Variants in ZDHHC20 observed in about 807,000 individuals in gnomAD.
The protein encoded by ZDHHC20 is zDHHC palmitoyltransferase 20.
In ZDHHC20, 43 loss-of-function variants were observed where a neutral mutation model predicts 57.8. The observed-to-expected ratio is 0.74, with a 90% CI of 0.58 to 0.96. The LOEUF (loss-of-function observed/expected upper bound fraction) is 0.96. ZDHHC20 is among the 40% of genes least tolerant of loss of function. The pLI is 0.00. For missense variants in ZDHHC20, 391 were observed against 441.1 expected, an observed-to-expected ratio of 0.89 and a Z score of 1.02; for synonymous variants, 157 against 153.0, an observed-to-expected ratio of 1.03 and a Z score of -0.19.
chr13:21,376,546 C>A lies in ZDHHC20; in HGVS notation c.*150G>T. ...GTGAATCCCAGGAACTGTACAAAGG[C>A]TTTCCGTTTTAAAAAATATATCTTC... On this transcript the variant is annotated 3_prime_UTR_variant, in exon 13 of 13. Coordinates refer to ENST00000400590, the MANE Select transcript of ZDHHC20 (RefSeq NM_001330059.2). 3.3e-6 allele frequency: 3 copies of A among 913,166 alleles called. No individual in the cohort carries two copies. Among genetic ancestry groups the A allele is most frequent in the Non-Finnish European group, 1.6e-6 (1 of 636,772 alleles). The allele number at this position is 913,166 out of a possible 1,614,324, so 56.6% of individuals were successfully genotyped here.
chr13:21,391,767 A>G lies in ZDHHC20; in HGVS notation c.682T>C (p.Phe228Leu). The G allele has an allele frequency of 6.2e-7, 1 of 1,612,808 alleles. No homozygotes were observed. Among genetic ancestry groups the G allele is most frequent in the Non-Finnish European group, 8.5e-7 (1 of 1,179,758 alleles). The change falls in exon 8 of 13, where the codon TTC becomes CTC. Residue 228 changes from phenylalanine to leucine, a missense_variant. Around this residue, in one of 3 missense-constraint regions of ZDHHC20, gnomAD observed 197 missense variants for 220.8 expected, o/e 0.89. Transcript: ENST00000400590. ...CCAACTAGCCAGCAGTGGTAGCTGA[A>G]AAGTGAGAGGACGCTGATGAAGAAC... The part of the protein sequence containing the change: ...AMFFISVLSL[F>L]SYHCWLVGKN...
intron 4 of ZDHHC20, among the ~76,000 whole-genome samples, chr13:21,408,429 C>T (rs1294566402): frequency 1.5e-4 from 23 of 151,922 alleles, no homozygotes. Context: ...CTATTATTGG[C>T]GTATAGGAAT....
At position 21,400,497 on chromosome 13, in the gene ZDHHC20, G is replaced by GA. The variant is rs1877467065; in HGVS notation, c.474-5dup. Reference sequence around the variant, plus strand: ...AAATCCCACACAGTTATTCACCCTGGAAAAATAAAGAAAGCCACATTATAA... The same window carrying GA: ...AAATCCCACACAGTTATTCACCCTGGAAAAAATAAAGAAAGCCACATTATAA... On this transcript the variant is annotated splice_polypyrimidine_tract_variant and splice_region_variant and intron_variant, in intron 6 of 12. Coordinates refer to ENST00000400590, the MANE Select transcript of ZDHHC20 (RefSeq NM_001330059.2). 4.6e-6 allele frequency: 7 copies of GA among 1,533,158 alleles called. No homozygotes were observed. The highest frequency in any genetic ancestry group is 6.1e-6 in the Non-Finnish European group (7 of 1,142,368). The allele number at this position is 1,533,158 out of a possible 1,614,324, so 95.0% of individuals were successfully genotyped here. A position where few individuals can be genotyped will look rare whatever the true frequency, so the allele number is the denominator to read the frequency against.
In ZDHHC20 at chr13:21,421,050, A is replaced by G; in HGVS notation, c.249+11T>C. ...TTAAAACATTTGGTAATTTACCAAC[A>G]TTAAATTTACCTCTTTGGAGGGGGA... On this transcript the variant is annotated intron_variant, in intron 3 of 12. Coordinates refer to ENST00000400590, the MANE Select transcript of ZDHHC20 (RefSeq NM_001330059.2). 3.1e-6 allele frequency: 5 copies of G among 1,600,906 alleles called. No homozygotes were observed. The highest frequency in any genetic ancestry group is 4.3e-6 in the Non-Finnish European group (5 of 1,169,572).
intron 4 of ZDHHC20, among the ~76,000 whole-genome samples, chr13:21,405,670 A>G (rs528791096): frequency 1.3e-5 from 2 of 152,278 alleles, no homozygotes; most frequent in East Asian, 3.9e-4. Flanking sequence ...CTGGGAGCAT[A>G]TTCTTTGACA....
At position 21,381,471 on chromosome 13, in the gene ZDHHC20, C is replaced by T. The variant is rs1566061617; in HGVS notation, c.1023G>A (p.Trp341Ter). ...TGCCTTCTTCAGCTCCATTCTCCAG[C>T]CACTGAGATTCACTGTCCAACAAGC... is the stretch of plus-strand genomic sequence containing the variant. ...KNRLLDSESQWLENGAEEGIV... is the reference protein window; with the variant it reads ...KNRLLDSESQ The change falls in exon 11 of 13, where the codon TGG (tryptophan) becomes TGA (stop). Residue 341 changes from tryptophan (W) to a stop codon, truncating the protein, a stop_gained. Coordinates refer to ENST00000400590, the MANE Select transcript of ZDHHC20 (RefSeq NM_001330059.2). LOFTEE classifies it high-confidence loss of function. The T allele has an allele frequency of 6.2e-7, 1 of 1,613,864 alleles. No individual in the cohort carries two copies.
At chr13:21,447,336 ATGTGGAGCCGAAGC>A (rs1210738848) in intron 1 of ZDHHC20, among the ~76,000 whole-genome samples, 2 of 148,636 alleles carry the variant, frequency 1.3e-5, no homozygotes, top group African/African-American at 2.5e-5. Context: ...TCTCCCTCTC[ATGTGGAGCCGAAGC>A]TGGACTGTAC....
rs140351475 is a variant in ZDHHC20 at position 21,394,173 on chromosome 13, C to T, written c.595-2319G>A. 2.9e-3 allele frequency among the ~76,000 whole-genome samples: 443 copies of T among 152,342 alleles called. 4 individuals carry two copies. Among genetic ancestry groups the T allele is most frequent in the African/African-American group, 0.01 (426 of 41,578 alleles). On this transcript the variant is annotated intron_variant, in intron 7 of 12. Transcript: ENST00000400590. ...CAAGGCCCTCTGTCATTTTGGCCCC[C>T]TCTTGGTCCATTCCTTTCAGTCTCC...
At chr13:21,385,229 G>A (rs1415669372) in intron 9 of ZDHHC20, among the ~76,000 whole-genome samples, 5 of 152,134 alleles carry the variant, frequency 3.3e-5, no homozygotes. Context: ...AGGAGTTTGA[G>A]ACCAGCCTGG....
rs1871758507 is a variant in ZDHHC20, at chr13:21,374,646, G to GCTAA, written c.*2046_*2049dup. The GCTAA allele has an allele frequency of 3.8e-5, 9 of 235,108 alleles. No homozygotes were observed. In the Admixed American group the frequency reaches 4.2e-4, roughly 11 times the overall value. 14.6% of individuals were successfully genotyped at this position (235,108 alleles called of 1,614,324 possible). Reference sequence around the variant, plus strand: ...TAATATCCCAAATTATGTTTTCAAAGCTAACTCATTCCTTTGGTTCAAAAA... The same window carrying GCTAA: ...TAATATCCCAAATTATGTTTTCAAAGCTAACTAACTCATTCCTTTGGTTCAAAAA... On this transcript the variant is annotated 3_prime_UTR_variant, in exon 13 of 13. Coordinates refer to ENST00000400590, the MANE Select transcript of ZDHHC20 (RefSeq NM_001330059.2).
intron 7 of ZDHHC20, among the ~76,000 whole-genome samples, chr13:21,395,497 T>TTTC (rs999491945): frequency 4.3e-5 from 2 of 46,158 alleles, no homozygotes; most frequent in African/African-American, 8.9e-5. Context: ...TTTTCTTTTC[T>TTTC]TTTTTTTTTT....
intron 2 of ZDHHC20, 66 bp downstream of exon 2, chr13:21,425,585 TA>T: frequency 9.0e-7 from 1 of 1,111,700 alleles, no homozygotes; most frequent in Non-Finnish European, 1.2e-6. Context: ...CATCACTAAA[TA>T]AAAAGTATGT....
In ZDHHC20 at chr13:21,396,038, T is replaced by TA. The variant is rs1876732000; in HGVS notation, c.595-4185dup. Among the ~76,000 whole-genome samples the TA allele has an allele frequency of 2.6e-5, 4 of 152,204 alleles. No homozygotes were observed. The South Asian group carries it at 8.3e-4, about 32-fold the overall frequency. ...CTGCCTTCATCATCCCAGGACCAGG[T>TA]ACAAGACAACTAGAGATAGCCCCGA... On this transcript the variant is annotated intron_variant, in intron 7 of 12. Coordinates refer to ENST00000400590, the MANE Select transcript of ZDHHC20 (RefSeq NM_001330059.2).
intron 8 of ZDHHC20, chr13:21,390,123 T>TA (rs1188083437): frequency 2.0e-4 from 30 of 152,188 alleles, no homozygotes; most frequent in Non-Finnish European, 2.9e-5. Flanking sequence ...ATCCAATAAC[T>TA]AAAGCATCTA....
chr13:21,384,082 G>A (rs544240936), intron 9 of ZDHHC20, among the ~76,000 whole-genome samples: 12 of 151,696 alleles, frequency 7.9e-5, no homozygotes, highest in Non-Finnish European at 1.3e-4. Context: ...GGCACTATGG[G>A]GGGTGGGAAA....
At chr13:21,398,731 G>C (rs1382393482) in intron 7 of ZDHHC20, among the ~76,000 whole-genome samples, 3 of 152,184 alleles carry the variant, frequency 2.0e-5, no homozygotes, top group African/African-American at 7.2e-5. Flanking sequence ...AACATAGAAA[G>C]AACAGTGAAA....
chr13:21,381,950 G>C (rs774004012), intron 10 of ZDHHC20: 2 of 521,896 alleles, frequency 3.8e-6, no homozygotes, highest in East Asian at 1.1e-4. Context: ...TTAGATCTAA[G>C]GGGAAAAAAT....
At position 21,375,140 on chromosome 13, in the gene ZDHHC20, A is replaced by G; in HGVS notation, c.*1556T>C. On this transcript the variant is annotated 3_prime_UTR_variant, in exon 13 of 13. Coordinates refer to ENST00000400590, the MANE Select transcript of ZDHHC20 (RefSeq NM_001330059.2). Reference sequence around the variant, plus strand: ...CAGAGCAAAACTCTGTGGAAAAAAGAAGAAAAAAATTTATTGGGTGAATGA... The same window carrying G: ...CAGAGCAAAACTCTGTGGAAAAAAGGAGAAAAAAATTTATTGGGTGAATGA... 2 of 456,570 alleles carry G rather than the reference A, an allele frequency of 4.4e-6. No individual in the cohort carries two copies. Among genetic ancestry groups the G allele is most frequent in the South Asian group, 3.1e-5 (2 of 64,556 alleles). 28.3% of individuals were successfully genotyped at this position (456,570 alleles called of 1,614,324 possible).
intron 1 of ZDHHC20, among the ~76,000 whole-genome samples, chr13:21,430,006 T>C (rs562829433): frequency 1.3e-5 from 2 of 152,344 alleles, no homozygotes; most frequent in East Asian, 1.9e-4. Flanking sequence ...CAATAGCAAA[T>C]TGAATCACTT....
Sources: allele counts gnomAD v4.1 joint callset (sites outside exome capture counted in the v4.1 genomes callset), GRCh38; gene constraint gnomAD v4.1.1; regional missense constraint gnomAD v4.1.1; transcripts MANE v1.5; gene names NCBI Gene and HGNC (gene_info 2026-07-23, HGNC 2026-07-21).